TBC1D22A: variants seen among roughly 807,000 people sequenced by gnomAD.
TBC1D22A encodes the protein TBC1 domain family member 22A, also known as putative GTPase activator.
In TBC1D22A, 38 loss-of-function variants were observed where a neutral mutation model predicts 60.2. The observed-to-expected ratio is 0.63, with a 90% CI of 0.49 to 0.83. The LOEUF is 0.83. Among genes scored for constraint, TBC1D22A ranks in the 40% least tolerant of loss-of-function variants. The pLI is 0.00. For missense variants in TBC1D22A, 628 were observed against 701.0 expected (o/e 0.90, Z 1.18); for synonymous variants, 302 against 281.7 (o/e 1.07, Z -0.72).
intron 11 of TBC1D22A, among the ~76,000 whole-genome samples, chr22:47,098,680 G>T (rs1157135335): frequency 1.3e-5 from 2 of 152,236 alleles, no homozygotes; most frequent in African/African-American, 4.8e-5. Flanking sequence ...CATGTGTTAG[G>T]CTGCCCTGGG....
rs557048876 is a variant in TBC1D22A, at chr22:47,060,297, A to G, written c.1329+23099A>G. On this transcript the variant is annotated intron_variant, in intron 11 of 12. Coordinates refer to ENST00000337137, the MANE Select transcript of TBC1D22A (RefSeq NM_014346.5). ...TGCTCTGTTGCCCAGGCTGGAGTGC[A>G]ATGGCATGATCTCGGCTCACTGCAA... Among the ~76,000 whole-genome samples, 37 of 146,704 alleles carry G rather than the reference A, an allele frequency of 2.5e-4. No individual in the cohort carries two copies. In the South Asian group the frequency reaches 3.6e-3, roughly 14 times the overall value.
At chr22:46,791,375 A>G (rs1601875906) in intron 1 of TBC1D22A, among the ~76,000 whole-genome samples, 2 of 152,314 alleles carry the variant, frequency 1.3e-5, no homozygotes, top group African/African-American at 4.8e-5. Flanking sequence ...GCAGCAGCTC[A>G]AAGCTGTCAC....
At chr22:46,832,308 T>G (rs1027727089) in intron 4 of TBC1D22A, among the ~76,000 whole-genome samples, 7 of 152,258 alleles carry the variant, frequency 4.6e-5, no homozygotes, top group African/African-American at 1.7e-4. Context: ...TTCTTAATTG[T>G]GTCCCAGAAA....
At chr22:47,039,935 C>CTTTTTTTTTTTTTTTTTTTT (rs570751261) in intron 11 of TBC1D22A, among the ~76,000 whole-genome samples, 1 of 77,294 alleles carries the variant, frequency 1.3e-5, no homozygotes, top group African/African-American at 6.3e-5. Flanking sequence ...GTGCCACAGC[C>CTTTTTTTTTTTTTTTTTTTT]TTTTTTTTTT....
rs1160216838 is a variant in TBC1D22A, at chr22:47,047,241, C to CCTGGGAAGATTT, written c.1329+10047_1329+10058dup. ...CTACCCTCTTGCTAGAAATGCATGG[C>CCTGGGAAGATTT]CTGGGAAGATTTCTGACAAGATTAG... On this transcript the variant is annotated intron_variant, in intron 11 of 12. Coordinates refer to ENST00000337137, the MANE Select transcript of TBC1D22A (RefSeq NM_014346.5). 6.6e-5 allele frequency among the ~76,000 whole-genome samples: 10 copies of CCTGGGAAGATTT among 152,252 alleles called. No individual in the cohort carries two copies. The East Asian group carries it at 1.2e-3, about 18-fold the overall frequency.
intron 1 of TBC1D22A, among the ~76,000 whole-genome samples, chr22:46,792,282 T>C (rs531280378): frequency 2.6e-5 from 4 of 152,236 alleles, no homozygotes; most frequent in African/African-American, 9.6e-5. Context: ...TTCTCAGGGA[T>C]GGGCTGAATG....
In TBC1D22A at chr22:47,019,694, G is replaced by A. The variant is rs557078187; in HGVS notation, c.1202-17377G>A. Among the ~76,000 whole-genome samples the A allele has an allele frequency of 5.3e-5, 8 of 152,078 alleles. No individual in the cohort carries two copies. The South Asian group carries it at 8.3e-4, about 16-fold the overall frequency. On this transcript the variant is annotated intron_variant, in intron 10 of 12. Transcript: ENST00000337137. ...CAGTCGGGGGTGTGCAGGGAAGGAC[G>A]TGGTTTGGAAAGTGCTTTTCCCGGA...
intron 12 of TBC1D22A, among the ~76,000 whole-genome samples, chr22:47,136,025 A>G (rs2066858582): frequency 6.6e-6 from 1 of 152,216 alleles, no homozygotes; most frequent in Admixed American, 6.5e-5. Flanking sequence ...GAGTTTGCAG[A>G]TTCCAGGGAG....
At chr22:47,130,359 C>T (rs564144264) in intron 12 of TBC1D22A, among the ~76,000 whole-genome samples, 6 of 152,304 alleles carry the variant, frequency 3.9e-5, no homozygotes, top group East Asian at 1.9e-4. Flanking sequence ...CCCAAACCCA[C>T]GTTTGCCTCA....
At chr22:47,052,037 T>G (rs1180098809) in intron 11 of TBC1D22A, among the ~76,000 whole-genome samples, 1 of 151,688 alleles carries the variant, frequency 6.6e-6, no homozygotes, top group Non-Finnish European at 1.5e-5. Context: ...TGCCTCCTCT[T>G]CAGCGGTAAG....
intron 11 of TBC1D22A, among the ~76,000 whole-genome samples, chr22:47,110,555 G>A (rs540887528): frequency 2.0e-4 from 30 of 152,296 alleles, no homozygotes; most frequent in African/African-American, 4.1e-4. Flanking sequence ...GCGATTGACC[G>A]TTGTACTGAA....
intron 4 of TBC1D22A, among the ~76,000 whole-genome samples, chr22:46,822,350 GTTGA>G (rs1178226822): frequency 1.3e-5 from 2 of 152,046 alleles, no homozygotes; most frequent in South Asian, 4.1e-4. Flanking sequence ...GCATTTTTTC[GTTGA>G]TTCTTTCTCA....
intron 4 of TBC1D22A, among the ~76,000 whole-genome samples, chr22:46,832,740 A>T (rs893971235): frequency 1.3e-5 from 2 of 152,262 alleles, no homozygotes; most frequent in African/African-American, 4.8e-5. Flanking sequence ...GAAATAAATG[A>T]TAATTATTTG....
At chr22:46,897,025 C>T (rs1007942388) in intron 7 of TBC1D22A, among the ~76,000 whole-genome samples, 1 of 152,104 alleles carries the variant, frequency 6.6e-6, no homozygotes, top group African/African-American at 2.4e-5. Context: ...TTTTAAAAGT[C>T]ATTTTTAATG....
At chr22:46,944,606 G>A (rs184513329) in intron 8 of TBC1D22A, among the ~76,000 whole-genome samples, 11 of 152,294 alleles carry the variant, frequency 7.2e-5, no homozygotes, top group Admixed American at 5.2e-4. Flanking sequence ...CACCGTGTTA[G>A]CCAGGATGGT....
At chr22:46,974,426 GC>G (rs1569293541) in intron 9 of TBC1D22A, 27 bp downstream of exon 9, 1 of 1,570,128 alleles carries the variant, frequency 6.4e-7, no homozygotes. Flanking sequence ...ACGGGACACA[GC>G]CCACGCCCAC....
chr22:46,852,606 G>A (rs2087340053), intron 4 of TBC1D22A, among the ~76,000 whole-genome samples: 2 of 152,114 alleles, frequency 1.3e-5, no homozygotes, highest in South Asian at 2.1e-4. Context: ...CCAGCTCCAC[G>A]AGGCCTCTGC....
intron 1 of TBC1D22A, among the ~76,000 whole-genome samples, chr22:46,766,177 T>C (rs1178460113): frequency 6.6e-6 from 1 of 151,872 alleles, no homozygotes; most frequent in Non-Finnish European, 1.5e-5. Flanking sequence ...TTTTATATTT[T>C]TGGTAGAGAC....
intron 8 of TBC1D22A, among the ~76,000 whole-genome samples, chr22:46,954,966 C>T (rs1340081092): frequency 1.3e-5 from 2 of 152,088 alleles, no homozygotes; most frequent in Admixed American, 6.5e-5. Flanking sequence ...TTATTTATAA[C>T]CCATGTCAGG....
Sources: gnomAD v4.1 joint callset for allele counts (sites outside exome capture counted in the v4.1 genomes callset) on GRCh38, gnomAD v4.1.1 for gene constraint, MANE v1.5 for transcripts, NCBI Gene and HGNC (gene_info 2026-07-23, HGNC 2026-07-21) for gene names.